Variants in SYCP1 observed in about 807,000 individuals in gnomAD.
The protein encoded by SYCP1 is synaptonemal complex protein 1.
SYCP1 carries 64 observed loss-of-function variants against 153.1 expected under a neutral mutation model. That is an observed-to-expected ratio of 0.42 (90% CI 0.34 to 0.51). The LOEUF (loss-of-function observed/expected upper bound fraction) is 0.51, where lower values mean the gene tolerates loss of function less well. Ranked by LOEUF, SYCP1 falls within the 20% of genes least tolerant of loss-of-function variation. The pLI is 0.06. For synonymous variants in SYCP1, 384 were observed against 341.8 expected, an observed-to-expected ratio of 1.12 and a Z score of -1.36; for missense variants, 997 against 1,049.0, an observed-to-expected ratio of 0.95 and a Z score of 0.68.
At chr1:114,910,253 C>G (rs367716846) in intron 16 of SYCP1, 144 bp from the exon 17 acceptor site, 5 of 527,808 alleles carry the variant, frequency 9.5e-6, no homozygotes, top group East Asian at 3.6e-5. Flanking sequence ...TTTGAATTTA[C>G]TTAATATTGA....
At chr1:114,907,148 T>A (rs1260192976) in intron 16 of SYCP1, among the ~76,000 whole-genome samples, 1 of 152,192 alleles carries the variant, frequency 6.6e-6, no homozygotes, top group African/African-American at 2.4e-5. Context: ...CCACTCCATG[T>A]TTCTTATGCT....
intron 23 of SYCP1, among the ~76,000 whole-genome samples, chr1:114,932,071 T>G (rs975221259): frequency 6.6e-6 from 1 of 152,132 alleles, no homozygotes; most frequent in Non-Finnish European, 1.5e-5. Context: ...TAATTTTAAA[T>G]GGGTTATAGG....
At chr1:114,855,212 C>A (rs1352379739) in intron 1 of SYCP1, 194 bp downstream of exon 1, 2 of 233,018 alleles carry the variant, frequency 8.6e-6, no homozygotes, top group African/African-American at 4.5e-5. Flanking sequence ...TCTTTTCAGG[C>A]CAGCGTGGCA....
chr1:114,895,911 C>T (rs944422256), intron 16 of SYCP1, among the ~76,000 whole-genome samples: 10 of 151,990 alleles, frequency 6.6e-5, no homozygotes, highest in African/African-American at 2.4e-4. Flanking sequence ...GGTAAAATTT[C>T]ATTGTATTTT....
At chr1:114,890,301 A>G (rs1158308507) in intron 15 of SYCP1, among the ~76,000 whole-genome samples, 3 of 151,668 alleles carry the variant, frequency 2.0e-5, no homozygotes, top group Admixed American at 6.6e-5. Context: ...TAGAATTTCT[A>G]TTTTTATTTA....
chr1:114,964,265 G>A (rs1671964361), intron 27 of SYCP1, among the ~76,000 whole-genome samples: 1 of 152,040 alleles, frequency 6.6e-6, no homozygotes, highest in African/African-American at 2.4e-5. Flanking sequence ...TGTAGATTCT[G>A]GATACTAGTC....
chr1:114,903,184 CAAAAA>C (rs1667588052), intron 16 of SYCP1, among the ~76,000 whole-genome samples: 1 of 151,914 alleles, frequency 6.6e-6, no homozygotes, highest in Non-Finnish European at 1.5e-5. Context: ...GTCTGAAGAA[CAAAAA>C]CAAACATTTG....
At chr1:114,875,801 T>G (rs947260365) in intron 9 of SYCP1, among the ~76,000 whole-genome samples, 1 of 152,196 alleles carries the variant, frequency 6.6e-6, no homozygotes, top group Non-Finnish European at 1.5e-5. Flanking sequence ...TACATGCTAT[T>G]AAGTAAATGG....
intron 27 of SYCP1, among the ~76,000 whole-genome samples, chr1:114,961,589 A>G (rs1176634541): frequency 2.6e-5 from 4 of 152,194 alleles, no homozygotes; most frequent in Admixed American, 2.0e-4. Context: ...TCTTGATTTC[A>G]CTGTTGACCC....
At chr1:114,877,975 G>C (rs1253544350) in intron 11 of SYCP1, 119 bp from the exon 12 acceptor site, 2 of 601,610 alleles carry the variant, frequency 3.3e-6, no homozygotes, top group Non-Finnish European at 5.7e-6. Context: ...GGGTGGGAGG[G>C]TTAAGTGGAC....
chr1:114,865,705 T>C (rs892157833), intron 8 of SYCP1, among the ~76,000 whole-genome samples: 2 of 152,264 alleles, frequency 1.3e-5, no homozygotes, highest in Non-Finnish European at 2.9e-5. Context: ...CACATCATAA[T>C]TGTCCAAAGT....
chr1:114,883,245 T>G (rs1325355632), intron 12 of SYCP1, among the ~76,000 whole-genome samples: 1 of 152,218 alleles, frequency 6.6e-6, no homozygotes, highest in Admixed American at 6.5e-5. Flanking sequence ...TCAGTTTCAA[T>G]TTTATGTATT....
At chr1:114,917,896 G>A (rs1480686677) in intron 20 of SYCP1, among the ~76,000 whole-genome samples, 4 of 151,408 alleles carry the variant, frequency 2.6e-5, no homozygotes, top group African/African-American at 9.7e-5. Flanking sequence ...TCCCTTGTCA[G>A]ATGGATAGTT....
intron 23 of SYCP1, among the ~76,000 whole-genome samples, chr1:114,929,924 A>C (rs1203710369): frequency 6.6e-6 from 1 of 152,100 alleles, no homozygotes; most frequent in Non-Finnish European, 1.5e-5. Flanking sequence ...TGTTTACCAA[A>C]ATAGACTACA....
rs190918775 is a variant in SYCP1 at position 114,995,059 on chromosome 1, A to T, written c.*40A>T. On this transcript the variant is annotated 3_prime_UTR_variant, in exon 32 of 32. Transcript: ENST00000369522. Reference sequence around the variant, plus strand: ...TGTAGTTAAGGAGCCTAATAACGTGAAACTTATAGTTAATATTTTGTTCTT... The same window carrying T: ...TGTAGTTAAGGAGCCTAATAACGTGTAACTTATAGTTAATATTTTGTTCTT... 4 of 1,517,994 alleles carry T rather than the reference A, an allele frequency of 2.6e-6. No individual in the cohort carries two copies. Among genetic ancestry groups the T allele is most frequent in the Non-Finnish European group, 1.8e-6 (2 of 1,135,882 alleles). 94.0% of individuals were successfully genotyped at this position (1,517,994 alleles called of 1,614,324 possible).
chr1:114,939,046 T>A (rs1327598012), intron 23 of SYCP1, among the ~76,000 whole-genome samples: 3 of 152,146 alleles, frequency 2.0e-5, no homozygotes, highest in African/African-American at 7.2e-5. Context: ...ATCCACTAAT[T>A]TCACTTCTAG....
Position 114,886,132 on chromosome 1 carries a change from A to T in SYCP1, c.1013A>T (p.Gln338Leu), listed in dbSNP as rs762606463. ...ATACTTTATTTCATTTAGAGTACTC[A>T]AAAGGCTTTAGAGGAAGATTTACAG... Reference protein sequence around the residue: ...KVSLQRSVSTQKALEEDLQIA... With the variant: ...KVSLQRSVSTLKALEEDLQIA... The change falls in exon 14 of 32, where the codon CAA (glutamine) becomes CTA (leucine). Residue 338 changes from glutamine (Q) to leucine (L), a missense_variant. Gln to Leu is a moderately radical substitution (Grantham distance 113, BLOSUM62 -2). Transcript: ENST00000369522. 6.3e-7 allele frequency: 1 copy of T among 1,590,064 alleles called. No individual in the cohort carries two copies. Among genetic ancestry groups the T allele is most frequent in the Non-Finnish European group, 8.5e-7 (1 of 1,171,620 alleles).
In SYCP1 at chr1:114,887,630, GA is replaced by G. The variant is rs1189372077; in HGVS notation, c.1202del (p.Asn401MetfsTer5). ...GAAAATGATATATTTTACAAGATTG[GA>G]AAAAAATGAAGATCAATTGAAAATA... is the stretch of plus-strand genomic sequence containing the variant. ...ELLRTEQQRL[E>X]KNEDQLKILT... On this transcript the variant is annotated frameshift_variant, in exon 15 of 32. Coordinates refer to ENST00000369522, the MANE Select transcript of SYCP1 (RefSeq NM_003176.4). LOFTEE classifies it high-confidence loss of function. The G allele has an allele frequency of 9.0e-6, 14 of 1,548,178 alleles. No homozygotes were observed. The highest frequency in any genetic ancestry group is 1.7e-4 in the Middle Eastern group (1 of 5,824).
intron 27 of SYCP1, among the ~76,000 whole-genome samples, chr1:114,968,243 A>G (rs1031116141): frequency 6.6e-6 from 1 of 152,110 alleles, no homozygotes; most frequent in African/African-American, 2.4e-5. Flanking sequence ...AGATTGGGGA[A>G]TTTCTCCTGG....
Sources: gnomAD v4.1 joint callset for allele counts (sites outside exome capture counted in the v4.1 genomes callset) on GRCh38, gnomAD v4.1.1 for gene constraint, MANE v1.5 for transcripts, NCBI Gene and HGNC (gene_info 2026-07-23, HGNC 2026-07-21) for gene names.